Variants in HADHB observed in about 807,000 individuals in gnomAD.
HADHB encodes the protein hydroxyacyl-CoA dehydrogenase trifunctional multienzyme complex subunit beta.
HADHB carries 50 observed loss-of-function variants against 61.9 expected under a neutral mutation model. The observed-to-expected ratio is 0.81, with a 90% confidence interval of 0.64 to 1.02. The LOEUF is 1.02. Ranked by LOEUF, HADHB falls within the 50% of genes least tolerant of loss-of-function variation. The pLI, the probability that HADHB is intolerant of heterozygous loss-of-function variation, is 0.00. For synonymous variants in HADHB, 191 were observed against 201.6 expected (o/e 0.95, Z 0.45); for missense variants, 504 against 586.5 (o/e 0.86, Z 1.45).
intron 15 of HADHB, 28 bp downstream of exon 15, chr2:26,285,599 T>C: frequency 6.3e-7 from 1 of 1,584,478 alleles, no homozygotes; most frequent in Non-Finnish European, 8.7e-7. Flanking sequence ...CATAGGACCC[T>C]CCAGAGAGTC....
At chr2:26,270,110 T>G in intron 5 of HADHB, 113 bp downstream of exon 5, 1 of 785,244 alleles carries the variant, frequency 1.3e-6, no homozygotes, top group South Asian at 1.4e-5. Flanking sequence ...TATACAAATT[T>G]AAGCAGCTTA....
At chr2:26,284,754 A>T in intron 13 of HADHB, 129 bp from the exon 14 acceptor site, 1 of 733,714 alleles carries the variant, frequency 1.4e-6, no homozygotes, top group South Asian at 1.4e-5. Context: ...GATGTGAGCC[A>T]CTGTGCCTGG....
intron 3 of HADHB, chr2:26,254,899 G>A (rs1345744007): frequency 5.3e-6 from 1 of 188,914 alleles, no homozygotes; most frequent in Admixed American, 5.4e-5. Context: ...GTGCAAGAGG[G>A]CCCATTCCTG....
In HADHB at chr2:26,285,565, A is replaced by T. The variant is rs1672990907; in HGVS notation, c.1383A>T (p.Gly461=). ...GCTTAGTGGCTGCGTGTGCAGCTGG[A>T]GGGCAGGTACGTTACAGTGGTGTCA... The part of the protein sequence containing the change: ...QYGLVAACAA[G]GQGHAMIVEA... Residue 461 remains glycine, a synonymous_variant, in exon 15 of 16, where the codon GGA becomes GGT. Coordinates refer to ENST00000317799, the MANE Select transcript of HADHB (RefSeq NM_000183.3). 1 of 1,612,790 alleles carries T rather than the reference A, an allele frequency of 6.2e-7. No individual in the cohort carries two copies. The highest frequency in any genetic ancestry group is 1.3e-5 in the African/African-American group (1 of 74,826).
intron 3 of HADHB, chr2:26,261,030 GTT>G: frequency 6.6e-7 from 1 of 1,521,128 alleles, no homozygotes. Flanking sequence ...GATGACACTG[GTT>G]TCTGGTTGGC....
chr2:26,279,981 AT>A lies in HADHB; in HGVS notation c.812-6del. On this transcript the variant is annotated splice_polypyrimidine_tract_variant and intron_variant, in intron 9 of 15. Transcript: ENST00000317799. ...TGGTTCCATAGAGTTAAAAAAATTC[AT>A]TTTTTTAATAGGAAAAGATACAGTT... The A allele has an allele frequency of 1.2e-6, 2 of 1,601,228 alleles. No homozygotes were observed. Among genetic ancestry groups the A allele is most frequent in the Non-Finnish European group, 1.7e-6 (2 of 1,170,266 alleles).
chr2:26,270,087 T>C lies in HADHB; in HGVS notation c.254+90T>C, dbSNP rs961814842. On this transcript the variant is annotated intron_variant, in intron 5 of 15. Coordinates refer to ENST00000317799, the MANE Select transcript of HADHB (RefSeq NM_000183.3). ...ATAAAATAGCAATTTGTTCTTATTT[T>C]AGCCATCTGTACTATACAAATTTAA... 4.6e-6 allele frequency: 4 copies of C among 878,752 alleles called. No individual in the cohort carries two copies. The African/African-American group carries it at 6.6e-5, about 14-fold the overall frequency. The allele number at this position is 878,752 out of a possible 1,614,324, so 54.4% of individuals were successfully genotyped here.
At position 26,279,380 on chromosome 2, in the gene HADHB, T is replaced by C; in HGVS notation, c.811+65T>C. 3 of 1,130,044 alleles carry C rather than the reference T, an allele frequency of 2.7e-6. No homozygotes were observed. In the South Asian group the frequency reaches 3.7e-5, roughly 14 times the overall value. 70.0% of individuals were successfully genotyped at this position (1,130,044 alleles called of 1,614,324 possible). A position where few individuals can be genotyped will look rare whatever the true frequency, so the allele number is the denominator to read the frequency against. ...GAATTGCTCCTAAAACTCAAAAACA[T>C]CCCGAGTGATTTTTCCATAAGTATG... On this transcript the variant is annotated intron_variant, in intron 9 of 15. Coordinates refer to ENST00000317799, the MANE Select transcript of HADHB (RefSeq NM_000183.3).
chr2:26,270,876 A>G (rs1347127550), intron 5 of HADHB, among the ~76,000 whole-genome samples: 1 of 143,050 alleles, frequency 7.0e-6, no homozygotes, highest in African/African-American at 2.5e-5. Context: ...ATTCTTCTGT[A>G]GCTTTTTTTT....
chr2:26,267,375 A>G (rs1043571718), intron 4 of HADHB, among the ~76,000 whole-genome samples: 1 of 152,188 alleles, frequency 6.6e-6, no homozygotes, highest in African/African-American at 2.4e-5. Flanking sequence ...TGTCAAAAAG[A>G]CACAGGTCTG....
intron 1 of HADHB, among the ~76,000 whole-genome samples, chr2:26,247,644 G>A (rs1223228229): frequency 6.6e-6 from 1 of 152,116 alleles, no homozygotes; most frequent in Non-Finnish European, 1.5e-5. Context: ...GGCCTACAGT[G>A]GTTTCATTTG....
intron 10 of HADHB, among the ~76,000 whole-genome samples, chr2:26,282,191 G>A (rs1672818372): frequency 1.3e-5 from 2 of 150,846 alleles, no homozygotes; most frequent in African/African-American, 4.9e-5. Context: ...CATATTTTGT[G>A]CCACAAGCTA....
chr2:26,281,865 A>G (rs1001552743), intron 10 of HADHB, among the ~76,000 whole-genome samples: 1 of 152,208 alleles, frequency 6.6e-6, no homozygotes, highest in Non-Finnish European at 1.5e-5. Context: ...TTTACAAATT[A>G]TGAAGAATAG....
intron 15 of HADHB, among the ~76,000 whole-genome samples, chr2:26,286,197 C>G (rs1439211312): frequency 6.6e-6 from 1 of 152,158 alleles, no homozygotes; most frequent in Non-Finnish European, 1.5e-5. Context: ...ATAATCTCCC[C>G]ATCAGACATT....
intron 4 of HADHB, among the ~76,000 whole-genome samples, chr2:26,267,388 C>G (rs191081048): frequency 6.6e-6 from 1 of 152,022 alleles, no homozygotes; most frequent in African/African-American, 2.4e-5. Flanking sequence ...CAGGTCTGAC[C>G]TGCAGGAGCT....
At chr2:26,285,137 A>G (rs911601198) in intron 14 of HADHB, among the ~76,000 whole-genome samples, 180 bp downstream of exon 14, 2 of 152,166 alleles carry the variant, frequency 1.3e-5, no homozygotes, top group South Asian at 2.1e-4. Flanking sequence ...CATTAAATAT[A>G]TTTATTTCTT....
intron 10 of HADHB, among the ~76,000 whole-genome samples, chr2:26,281,128 G>T (rs1382945402): frequency 6.8e-6 from 1 of 146,468 alleles, no homozygotes; most frequent in East Asian, 2.0e-4. Flanking sequence ...TTTGTTTTGT[G>T]TTTTTTTTTT....
chr2:26,265,351 T>A (rs556714751), intron 4 of HADHB, among the ~76,000 whole-genome samples: 11 of 152,280 alleles, frequency 7.2e-5, no homozygotes, highest in African/African-American at 2.4e-4. Flanking sequence ...ATCCCAACAC[T>A]TTGGGAGGCC....
At chr2:26,264,158 A>G (rs1671972780) in intron 4 of HADHB, among the ~76,000 whole-genome samples, 1 of 152,228 alleles carries the variant, frequency 6.6e-6, no homozygotes, top group African/African-American at 2.4e-5. Flanking sequence ...CTTTAAAAAA[A>G]TGCTGCGGAA....
Sources: gnomAD v4.1 joint callset for allele counts (sites outside exome capture counted in the v4.1 genomes callset) on GRCh38, gnomAD v4.1.1 for gene constraint, MANE v1.5 for transcripts, NCBI Gene and HGNC (gene_info 2026-07-23, HGNC 2026-07-21) for gene names.